Variants in LRIT3 observed in about 807,000 individuals in gnomAD.
LRIT3 encodes leucine-rich repeat, immunoglobulin-like domain and transmembrane domain-containing protein 3.
In LRIT3, 14 loss-of-function variants were observed where a neutral mutation model predicts 22.6. The ratio of observed to expected loss-of-function variants is 0.62; its 90% CI spans 0.41 to 0.97. The LOEUF is 0.97. Ranked by LOEUF, LRIT3 falls within the 50% of genes least tolerant of loss-of-function variation. LRIT3 has a pLI of 0.00. For missense variants in LRIT3, 783 were observed against 803.0 expected (o/e 0.98, Z 0.30); for synonymous variants, 306 against 304.5 (o/e 1.01, Z -0.05).
intron 2 of LRIT3, among the ~76,000 whole-genome samples, chr4:109,860,094 G>A (rs113627865): frequency 0.02 from 3,035 of 152,228 alleles, 93 homozygotes; most frequent in African/African-American, 0.068. Flanking sequence ...TGCAATGCAG[G>A]TAAATTTCCA....
chr4:109,856,779 A>G (rs1490824336), intron 2 of LRIT3, among the ~76,000 whole-genome samples: 3 of 152,120 alleles, frequency 2.0e-5, no homozygotes, highest in African/African-American at 4.8e-5. Context: ...CCAATTTTTG[A>G]TCAATACCTG....
chr4:109,865,137 C>A, intron 2 of LRIT3: 2 of 1,442,484 alleles, frequency 1.4e-6, no homozygotes, highest in South Asian at 1.4e-5. Context: ...AACGTTACGG[C>A]TGTAAAAAGC....
chr4:109,853,152 T>C (rs1344585457), intron 2 of LRIT3, among the ~76,000 whole-genome samples: 2 of 152,174 alleles, frequency 1.3e-5, no homozygotes, highest in Non-Finnish European at 2.9e-5. Context: ...CTTGAGGAAT[T>C]GCCACACTGT....
Position 109,848,143 on chromosome 4 carries a change from G to A in LRIT3, c.-59G>A, listed in dbSNP as rs748126153. On this transcript the variant is annotated 5_prime_UTR_variant, in exon 1 of 4. Transcript: ENST00000594814. ...GCTGTTTGTATTCCAGGCATACCAG[G>A]TTCTGAATGCTTAGGATTCGGTTTT... is the stretch of plus-strand genomic sequence containing the variant. 1.1e-5 allele frequency: 10 copies of A among 877,100 alleles called. No individual in the cohort carries two copies. The highest frequency in any genetic ancestry group is 1.5e-5 in the Non-Finnish European group (10 of 663,962). The allele number at this position is 877,100 out of a possible 1,614,324, so 54.3% of individuals were successfully genotyped here. A position where few individuals can be genotyped will look rare whatever the true frequency, so the allele number is the denominator to read the frequency against.
chr4:109,869,966 C>T lies in LRIT3; in HGVS notation c.1217C>T (p.Ser406Phe), dbSNP rs748116837. The T allele has an allele frequency of 5.6e-6, 9 of 1,613,972 alleles. No homozygotes were observed. Among genetic ancestry groups the T allele is most frequent in the Non-Finnish European group, 8.5e-7 (1 of 1,179,952 alleles). The change falls in exon 4 of 4, where the codon TCT (serine) becomes TTT (phenylalanine). Residue 406 changes from serine to phenylalanine, a missense_variant. Coordinates refer to ENST00000594814, the MANE Select transcript of LRIT3 (RefSeq NM_198506.5). ...TCTGCTTCTACTTTGTCTCCTCCCTCTACTGCTTCCTTCTCTTTATCTCCT... is the reference window on the plus strand; with the variant it reads ...TCTGCTTCTACTTTGTCTCCTCCCTTTACTGCTTCCTTCTCTTTATCTCCT... ...SFSASTLSPP[S>F]TASFSLSPFS...
Position 109,869,716 on chromosome 4 carries a change from G to A in LRIT3, c.967G>A (p.Ala323Thr), listed in dbSNP as rs373408851. 6.8e-6 allele frequency: 11 copies of A among 1,609,422 alleles called. No homozygotes were observed. In the Admixed American group the frequency reaches 8.4e-5, roughly 12 times the overall value. Residue 323 changes from alanine to threonine, a missense_variant, in exon 4 of 4, where the codon GCT (alanine) becomes ACT (threonine). Ala to Thr is a moderately conservative substitution (Grantham distance 58). Coordinates refer to ENST00000594814, the MANE Select transcript of LRIT3 (RefSeq NM_198506.5). ...CTTGACAGGCATTTCTTCCAAAGAC[G>A]CTGGGGATTACAAATGTAAGGCCAA... is the stretch of plus-strand genomic sequence containing the variant. ...MSLTGISSKD[A>T]GDYKCKAKNL...
chr4:109,850,955 T>G (rs550761961), intron 1 of LRIT3, among the ~76,000 whole-genome samples: 7 of 152,334 alleles, frequency 4.6e-5, no homozygotes, highest in Non-Finnish European at 8.8e-5. Context: ...TGAACACTTT[T>G]TTTTTTCACC....
In LRIT3 at chr4:109,870,154, AAAG is replaced by A; in HGVS notation, c.1410_1412del (p.Glu471del). ...GCTTCCTCCAGCCAGCACAAGTAAG[AAAG>A]AAGAGCTGGCATTGTTGGATCAAAC... On this transcript the variant is annotated inframe_deletion, in exon 4 of 4. Coordinates refer to ENST00000594814, the MANE Select transcript of LRIT3 (RefSeq NM_198506.5). The A allele has an allele frequency of 6.2e-7, 1 of 1,614,238 alleles. No individual in the cohort carries two copies. Among genetic ancestry groups the A allele is most frequent in the East Asian group, 2.2e-5 (1 of 44,888 alleles).
At chr4:109,855,533 A>G (rs1441678714) in intron 2 of LRIT3, among the ~76,000 whole-genome samples, 2 of 152,048 alleles carry the variant, frequency 1.3e-5, no homozygotes, top group African/African-American at 4.8e-5. Flanking sequence ...TTCTGTCTCT[A>G]TCTCCTTCAG....
At chr4:109,865,330 T>G in intron 2 of LRIT3, 1 of 1,590,940 alleles carries the variant, frequency 6.3e-7, no homozygotes. Flanking sequence ...TATTTAAATC[T>G]GGCCTTCACA....
intron 1 of LRIT3, 43 bp downstream of exon 1, chr4:109,848,360 CA>C: frequency 9.4e-7 from 1 of 1,067,258 alleles, no homozygotes; most frequent in Admixed American, 4.3e-5. Flanking sequence ...ATTATTTTGA[CA>C]AAAAGGACCC....
Position 109,867,659 on chromosome 4 carries a change from G to C in LRIT3, c.608G>C (p.Trp203Ser). 1.9e-6 allele frequency: 3 copies of C among 1,613,892 alleles called. No homozygotes were observed. The highest frequency in any genetic ancestry group is 1.1e-5 in the South Asian group (1 of 91,052). ...GTTTTAGGTCTACAGGACAATCCTT[G>C]GTTCTGTGACTGTCATATTTCCAAA... is the stretch of plus-strand genomic sequence containing the variant. Reference protein sequence around the residue: ...RIILGLQDNPWFCDCHISKMI... With the variant: ...RIILGLQDNPSFCDCHISKMI... Residue 203 changes from tryptophan to serine, a missense_variant, in exon 3 of 4, where the codon TGG becomes TCG. Trp to Ser is a radical substitution (Grantham distance 177, BLOSUM62 -3). This residue lies in a region of LRIT3 where 756 missense variants were observed against 753.8 expected (regional missense o/e 1.00). Transcript: ENST00000594814.
At position 109,869,836 on chromosome 4, in the gene LRIT3, G is replaced by C. The variant is rs538065711; in HGVS notation, c.1087G>C (p.Asp363His). 1 of 1,614,116 alleles carries C rather than the reference G, an allele frequency of 6.2e-7. No individual in the cohort carries two copies. Among genetic ancestry groups the C allele is most frequent in the Non-Finnish European group, 8.5e-7 (1 of 1,179,984 alleles). The change falls in exon 4 of 4, where the codon GAT becomes CAT. Residue 363 changes from aspartate to histidine, a missense_variant. Physicochemically the swap from Asp to His is moderately conservative, Grantham distance 81. This residue lies in a region of LRIT3 where 756 missense variants were observed against 753.8 expected (regional missense o/e 1.00). Transcript: ENST00000594814. Reference sequence around the variant, plus strand: ...ACCAGACACTTCTGAAAGAACTGGAGATCATCCTGAGTGGGATGTCCAGCC... The same window carrying C: ...ACCAGACACTTCTGAAAGAACTGGACATCATCCTGAGTGGGATGTCCAGCC... ...IPPDTSERTG[D>H]HPEWDVQPGS...
chr4:109,848,947 A>T (rs1734142024), intron 1 of LRIT3, among the ~76,000 whole-genome samples: 2 of 152,192 alleles, frequency 1.3e-5, no homozygotes, highest in South Asian at 4.1e-4. Flanking sequence ...AGAGTTATTT[A>T]CTTATATTGT....
chr4:109,867,243 G>A (rs867934493), intron 2 of LRIT3, among the ~76,000 whole-genome samples: 25 of 152,084 alleles, frequency 1.6e-4, no homozygotes, highest in African/African-American at 5.5e-4. Flanking sequence ...TTGTGACCTT[G>A]GCCAAGTTAT....
At chr4:109,851,105 G>A (rs1734243220) in intron 1 of LRIT3, among the ~76,000 whole-genome samples, 1 of 152,170 alleles carries the variant, frequency 6.6e-6, no homozygotes, top group African/African-American at 2.4e-5. Context: ...CACTAGCTGG[G>A]TGACCTTGGA....
rs1466419970 is a variant in LRIT3, at chr4:109,851,980, AGCTCGC to A, written c.589+5_589+10del. On this transcript the variant is annotated splice_donor_5th_base_variant and intron_variant, in intron 2 of 3. Coordinates refer to ENST00000594814, the MANE Select transcript of LRIT3 (RefSeq NM_198506.5). ...TCCCCAAGCAGGATTATTCTTGGTA[AGCTCGC>A]AAGCCTCTGGGCTTTTCATCTATAG... is the stretch of plus-strand genomic sequence containing the variant. The A allele has an allele frequency of 6.5e-7, 1 of 1,532,912 alleles. No individual in the cohort carries two copies. The highest frequency in any genetic ancestry group is 2.5e-5 in the East Asian group (1 of 40,750). The allele number at this position is 1,532,912 out of a possible 1,614,324, so 95.0% of individuals were successfully genotyped here. A position where few individuals can be genotyped will look rare whatever the true frequency, so the allele number is the denominator to read the frequency against.
chr4:109,857,860 A>G (rs528826464), intron 2 of LRIT3, among the ~76,000 whole-genome samples: 1 of 152,348 alleles, frequency 6.6e-6, no homozygotes, highest in African/African-American at 2.4e-5. Flanking sequence ...CACAGGTCCT[A>G]AAGGCTTATA....
intron 2 of LRIT3, among the ~76,000 whole-genome samples, chr4:109,863,750 C>T (rs1734605201): frequency 6.6e-6 from 1 of 152,162 alleles, no homozygotes; most frequent in African/African-American, 2.4e-5. Flanking sequence ...AAAACGATGG[C>T]AGGCAAACTT....
Sources: gnomAD v4.1 joint callset for allele counts (sites outside exome capture counted in the v4.1 genomes callset) on GRCh38, gnomAD v4.1.1 for gene constraint, gnomAD v4.1.1 regional missense constraint, MANE v1.5 for transcripts, NCBI Gene and HGNC (gene_info 2026-07-23, HGNC 2026-07-21) for gene names.